KCNB2: variants seen among roughly 807,000 people sequenced by gnomAD.
KCNB2 encodes the protein potassium voltage-gated channel subfamily B member 2.
In KCNB2, 15 loss-of-function variants were observed where a neutral mutation model predicts 61.5. The observed-to-expected ratio is 0.24, with a 90% CI of 0.16 to 0.38. The LOEUF is 0.38. KCNB2 is among the 10% of genes least tolerant of loss of function. The pLI, the probability that KCNB2 is intolerant of heterozygous loss-of-function variation, is 1.00. For missense variants in KCNB2, 828 were observed against 1,125.2 expected, an observed-to-expected ratio of 0.74 and a Z score of 3.78; for synonymous variants, 457 against 446.0, an observed-to-expected ratio of 1.02 and a Z score of -0.31.
At chr8:72,554,259 T>C (rs1273064324) in intron 1 of KCNB2, among the ~76,000 whole-genome samples, 1 of 152,078 alleles carries the variant, frequency 6.6e-6, no homozygotes, top group East Asian at 1.9e-4. Context: ...TCTCCCATGC[T>C]CGATATATAG....
At chr8:72,813,295 C>A (rs1312243700) in intron 2 of KCNB2, among the ~76,000 whole-genome samples, 1 of 152,024 alleles carries the variant, frequency 6.6e-6, no homozygotes, top group Non-Finnish European at 1.5e-5. Context: ...CACAAACCTG[C>A]CTCTGCTGCT....
chr8:72,921,498 T>C (rs1323002630), intron 2 of KCNB2, among the ~76,000 whole-genome samples: 1 of 152,198 alleles, frequency 6.6e-6, no homozygotes, highest in African/African-American at 2.4e-5. Context: ...GATGTAAACA[T>C]GGGTTTATCT....
At chr8:72,830,035 T>C (rs554095792) in intron 2 of KCNB2, among the ~76,000 whole-genome samples, 2 of 151,610 alleles carry the variant, frequency 1.3e-5, no homozygotes, top group East Asian at 3.9e-4. Context: ...CGCTAAAAAT[T>C]GCTACTATTT....
At chr8:72,617,807 C>T (rs1424099156) in intron 2 of KCNB2, among the ~76,000 whole-genome samples, 3 of 152,098 alleles carry the variant, frequency 2.0e-5, no homozygotes, top group Admixed American at 6.6e-5. Context: ...CCCCGCCGGC[C>T]CCGGCCCCAA....
chr8:72,915,216 C>A (rs776693625), intron 2 of KCNB2, among the ~76,000 whole-genome samples: 2 of 152,156 alleles, frequency 1.3e-5, no homozygotes, highest in African/African-American at 4.8e-5. Context: ...GCCACTGCGC[C>A]GAGCATGACT....
At chr8:72,872,945 C>T (rs1045891091) in intron 2 of KCNB2, among the ~76,000 whole-genome samples, 1 of 152,144 alleles carries the variant, frequency 6.6e-6, no homozygotes, top group Non-Finnish European at 1.5e-5. Context: ...GAATATTCCT[C>T]GTTGAATTCC....
intron 2 of KCNB2, among the ~76,000 whole-genome samples, chr8:72,846,882 A>G (rs10087487): frequency 0.85 from 128,417 of 151,928 alleles, 55,332 homozygotes; most frequent in Middle Eastern, 0.95. Flanking sequence ...TAGAAATACC[A>G]TTTGACCCAG....
chr8:72,806,940 T>A (rs1809234448), intron 2 of KCNB2, among the ~76,000 whole-genome samples: 2 of 152,148 alleles, frequency 1.3e-5, no homozygotes. Flanking sequence ...ATCACAGATC[T>A]CTCTTTCTTC....
chr8:72,853,141 C>T (rs2129003486), intron 2 of KCNB2, among the ~76,000 whole-genome samples: 1 of 152,362 alleles, frequency 6.6e-6, no homozygotes, highest in East Asian at 1.9e-4. Flanking sequence ...TTAGCTCCTC[C>T]TCCCAATCCC....
chr8:72,635,779 A>G (rs1805956772), intron 2 of KCNB2, among the ~76,000 whole-genome samples: 1 of 152,182 alleles, frequency 6.6e-6, no homozygotes, highest in Non-Finnish European at 1.5e-5. Flanking sequence ...TCAAAGTGTA[A>G]GAACTCCTGG....
chr8:72,927,541 G>A (rs919249848), intron 2 of KCNB2, among the ~76,000 whole-genome samples: 12 of 152,168 alleles, frequency 7.9e-5, no homozygotes, highest in Non-Finnish European at 2.9e-5. Context: ...AAAGTGCGGG[G>A]ATTACAGGCA....
chr8:72,909,755 T>C (rs1473609020), intron 2 of KCNB2, among the ~76,000 whole-genome samples: 1 of 152,030 alleles, frequency 6.6e-6, no homozygotes, highest in Non-Finnish European at 1.5e-5. Flanking sequence ...GGTTGGGCTT[T>C]GGGGACTGAT....
At chr8:72,834,986 C>G (rs1375852510) in intron 2 of KCNB2, among the ~76,000 whole-genome samples, 1 of 152,110 alleles carries the variant, frequency 6.6e-6, no homozygotes, top group Non-Finnish European at 1.5e-5. Flanking sequence ...TAGGGTGATT[C>G]CTTTAGTGAA....
At chr8:72,718,786 G>T (rs574910589) in intron 2 of KCNB2, among the ~76,000 whole-genome samples, 1 of 151,998 alleles carries the variant, frequency 6.6e-6, no homozygotes, top group Non-Finnish European at 1.5e-5. Context: ...TACGTTGTGC[G>T]CATGTACCCT....
At chr8:72,897,124 G>T (rs1382357278) in intron 2 of KCNB2, among the ~76,000 whole-genome samples, 3 of 151,906 alleles carry the variant, frequency 2.0e-5, no homozygotes, top group East Asian at 1.9e-4. Context: ...GATCTTTCCT[G>T]TGCATGCCCC....
At chr8:72,714,454 C>T (rs1436209246) in intron 2 of KCNB2, among the ~76,000 whole-genome samples, 8 of 152,182 alleles carry the variant, frequency 5.3e-5, no homozygotes, top group African/African-American at 1.4e-4. Context: ...AGACTACCAG[C>T]GGATCTCTCA....
At chr8:72,658,302 G>T (rs929326716) in intron 2 of KCNB2, among the ~76,000 whole-genome samples, 9 of 152,146 alleles carry the variant, frequency 5.9e-5, no homozygotes, top group African/African-American at 1.2e-4. Context: ...AGTTTTAGTG[G>T]TCTGGACAGA....
At chr8:72,704,804 G>A (rs1430054278) in intron 2 of KCNB2, among the ~76,000 whole-genome samples, 1 of 152,074 alleles carries the variant, frequency 6.6e-6, no homozygotes, top group African/African-American at 2.4e-5. Context: ...AAAATCTGCA[G>A]ATGCTCAAGT....
chr8:72,904,972 G>A (rs1806151254), intron 2 of KCNB2, among the ~76,000 whole-genome samples: 1 of 152,102 alleles, frequency 6.6e-6, no homozygotes, highest in Admixed American at 6.6e-5. Flanking sequence ...TAGCTGGATG[G>A]ATGGATGAGA....
Sources: gnomAD v4.1 joint callset for allele counts (sites outside exome capture counted in the v4.1 genomes callset) on GRCh38, gnomAD v4.1.1 for gene constraint, MANE v1.5 for transcripts, NCBI Gene and HGNC (gene_info 2026-07-23, HGNC 2026-07-21) for gene names.